SEC14L2: variants seen among roughly 807,000 people sequenced by gnomAD.
The protein encoded by SEC14L2 is SEC14 like lipid binding 2.
In SEC14L2, 50 loss-of-function variants were observed where a neutral mutation model predicts 56.9. The ratio of observed to expected loss-of-function variants is 0.88; its 90% confidence interval spans 0.70 to 1.11. The LOEUF is 1.11. SEC14L2 is among the 50% of genes most tolerant of loss of function. SEC14L2 has a pLI of 0.00. For synonymous variants in SEC14L2, 179 were observed against 188.5 expected, an observed-to-expected ratio of 0.95 and a Z score of 0.41; for missense variants, 414 against 500.7, an observed-to-expected ratio of 0.83 and a Z score of 1.65.
At chr22:30,398,815 C>A in intron 1 of SEC14L2, 1 of 469,376 alleles carries the variant, frequency 2.1e-6, no homozygotes, top group Non-Finnish European at 4.4e-6. Context: ...TCAGACAGAC[C>A]CGGGTTTGCA....
chr22:30,407,327 G>A (rs1934123603), intron 4 of SEC14L2, 88 bp from the exon 5 acceptor site: 4 of 1,506,856 alleles, frequency 2.7e-6, no homozygotes, highest in Non-Finnish European at 2.7e-6. Flanking sequence ...GGTAGAGAAA[G>A]ATACTGATGA....
At chr22:30,410,721 T>C (rs1386800181) in intron 8 of SEC14L2, 42 bp downstream of exon 8, 1 of 1,578,650 alleles carries the variant, frequency 6.3e-7, no homozygotes, top group Non-Finnish European at 8.7e-7. Context: ...GGAGGGTCTG[T>C]AGCCTAAATC....
rs746169456 is a variant in SEC14L2 at position 30,416,307 on chromosome 22, C to T, written c.985C>T (p.Arg329Trp). The change falls in exon 11 of 12, where the codon CGG becomes TGG. Residue 329 changes from arginine (R) to tryptophan (W), a missense_variant. Physicochemically the swap from Arg to Trp is moderately radical, Grantham distance 101 (BLOSUM62 -3). Transcript: ENST00000615189. ...FLKTKMGERQ[R>W]AGEMTEVLPN... is the part of the protein sequence containing the mutation. ...GAAGACCAAGATGGGAGAGAGGCAG[C>T]GGGCAGGGGAGATGACAGAGGTGCT... 9.9e-6 allele frequency: 16 copies of T among 1,614,100 alleles called. No individual in the cohort carries two copies. The highest frequency in any genetic ancestry group is 1.3e-5 in the African/African-American group (1 of 74,928).
chr22:30,415,743 T>C lies in SEC14L2; in HGVS notation c.665-16T>C. On this transcript the variant is annotated splice_polypyrimidine_tract_variant and intron_variant, in intron 8 of 11. Transcript: ENST00000615189. ...TGTTGAGATACATCTTTATCCTTCC[T>C]TCCCTCTCCTGCCAGCAAATTGGAA... 1 of 1,609,770 alleles carries C rather than the reference T, an allele frequency of 6.2e-7. No homozygotes were observed. The highest frequency in any genetic ancestry group is 8.5e-7 in the Non-Finnish European group (1 of 1,176,114).
In SEC14L2 at chr22:30,416,306, G is replaced by A. The variant is rs774082880; in HGVS notation, c.984G>A (p.Gln328=). The A allele has an allele frequency of 1.2e-6, 2 of 1,614,242 alleles. No individual in the cohort carries two copies. Among genetic ancestry groups the A allele is most frequent in the African/African-American group, 1.3e-5 (1 of 75,060 alleles). The change falls in exon 11 of 12, where the codon CAG becomes CAA. Residue 328 remains glutamine, a synonymous_variant. Coordinates refer to ENST00000615189, the MANE Select transcript of SEC14L2 (RefSeq NM_012429.5). The part of the protein sequence containing the change: ...IFLKTKMGER[Q]RAGEMTEVLP... ...TGAAGACCAAGATGGGAGAGAGGCA[G>A]CGGGCAGGGGAGATGACAGAGGTGC...
At chr22:30,400,084 G>T (rs1011488601) in intron 2 of SEC14L2, among the ~76,000 whole-genome samples, 2 of 152,264 alleles carry the variant, frequency 1.3e-5, no homozygotes, top group East Asian at 3.8e-4. Flanking sequence ...CATGTGGGGG[G>T]TCGGAGGCAG....
At chr22:30,417,638 G>A (rs929686705) in intron 11 of SEC14L2, among the ~76,000 whole-genome samples, 2 of 152,184 alleles carry the variant, frequency 1.3e-5, no homozygotes, top group Non-Finnish European at 2.9e-5. Context: ...GCCTGGCATA[G>A]AGCAAGCACT....
At chr22:30,409,824 T>C (rs911195725) in intron 7 of SEC14L2, among the ~76,000 whole-genome samples, 32 of 151,822 alleles carry the variant, frequency 2.1e-4, no homozygotes, top group Non-Finnish European at 7.4e-5. Context: ...TGCTTGAGTC[T>C]AGGAGTTTAA....
chr22:30,398,940 G>A (rs1301201194), intron 1 of SEC14L2: 1 of 393,948 alleles, frequency 2.5e-6, no homozygotes, highest in African/African-American at 2.1e-5. Context: ...TGTGAGTGAG[G>A]AGTAAATAAG....
intron 3 of SEC14L2, 98 bp downstream of exon 3, chr22:30,406,483 G>A: frequency 7.9e-7 from 1 of 1,270,730 alleles, no homozygotes; most frequent in Admixed American, 1.9e-5. Context: ...CACAGCTTTT[G>A]GCTTTGAGTA....
intron 2 of SEC14L2, among the ~76,000 whole-genome samples, chr22:30,403,096 AAAAC>A (rs1393469608): frequency 4.6e-5 from 7 of 152,308 alleles, no homozygotes; most frequent in Non-Finnish European, 1.0e-4. Flanking sequence ...AAAACAAAAC[AAAAC>A]AAACAAAAAA....
intron 2 of SEC14L2, among the ~76,000 whole-genome samples, chr22:30,405,387 T>C (rs534149790): frequency 5.3e-5 from 8 of 152,246 alleles, no homozygotes; most frequent in South Asian, 2.1e-4. Flanking sequence ...TGAGTGCAAA[T>C]TGCAGCTATG....
At chr22:30,416,776 T>G (rs1934402301) in intron 11 of SEC14L2, 1 of 1,244,326 alleles carries the variant, frequency 8.0e-7, no homozygotes, top group South Asian at 2.2e-5. Flanking sequence ...TGGGTGGGCA[T>G]GGGATCACAA....
intron 2 of SEC14L2, among the ~76,000 whole-genome samples, chr22:30,405,817 GAGGTGCATGCCACCACCTGT>G (rs747831630): frequency 1.6e-4 from 24 of 152,218 alleles, no homozygotes; most frequent in Non-Finnish European, 2.8e-4. Context: ...GCTGGGACTA[GAGGTGCATGCCACCACCTGT>G]AGCTAATTAG....
chr22:30,411,610 G>A (rs373511069), intron 8 of SEC14L2, among the ~76,000 whole-genome samples: 82 of 152,022 alleles, frequency 5.4e-4, no homozygotes, highest in African/African-American at 9.4e-4. Flanking sequence ...GCCAGGCGTC[G>A]TGGTGTGCAC....
intron 5 of SEC14L2, among the ~76,000 whole-genome samples, chr22:30,408,521 G>A (rs1026469521): frequency 1.3e-5 from 2 of 152,182 alleles, no homozygotes; most frequent in African/African-American, 4.8e-5. Context: ...GGAAGTCGAG[G>A]CTGCAGTGAG....
At chr22:30,412,404 A>T (rs1934274298) in intron 8 of SEC14L2, among the ~76,000 whole-genome samples, 1 of 151,418 alleles carries the variant, frequency 6.6e-6, no homozygotes, top group African/African-American at 2.4e-5. Flanking sequence ...TCTGTTGCCT[A>T]GGCTGGAGTG....
chr22:30,398,540 T>G (rs1304840926), intron 1 of SEC14L2: 3 of 377,840 alleles, frequency 7.9e-6, no homozygotes, highest in Non-Finnish European at 1.6e-5. Context: ...TAGGTGTGGC[T>G]GTCCATTGAG....
intron 9 of SEC14L2, 40 bp from the exon 10 acceptor site, chr22:30,415,908 T>G (rs1407979230): frequency 6.2e-7 from 1 of 1,614,096 alleles, no homozygotes; most frequent in Non-Finnish European, 8.5e-7. Flanking sequence ...GATGCCTGGC[T>G]CAAATGCACA....
Sources: gnomAD v4.1 joint callset for allele counts (sites outside exome capture counted in the v4.1 genomes callset) on GRCh38, gnomAD v4.1.1 for gene constraint, MANE v1.5 for transcripts, NCBI Gene and HGNC (gene_info 2026-07-23, HGNC 2026-07-21) for gene names.